Variants in CDH18 observed in about 807,000 individuals in gnomAD.
CDH18 encodes cadherin 18, also known as cadherin-18.
In CDH18, 31 loss-of-function variants were observed where a neutral mutation model predicts 67.9. The ratio of observed to expected loss-of-function variants is 0.46; its 90% CI spans 0.34 to 0.62. The LOEUF (loss-of-function observed/expected upper bound fraction) is 0.62, where lower values mean the gene tolerates loss of function less well. CDH18 is among the 20% of genes least tolerant of loss of function. The pLI, the probability that CDH18 is intolerant of heterozygous loss-of-function variation, is 0.01. For missense variants in CDH18, 890 were observed against 975.5 expected (o/e 0.91, Z 1.17); for synonymous variants, 362 against 347.2 (o/e 1.04, Z -0.48).
chr5:20,403,374 T>C (rs1306814614), intron 1 of CDH18, among the ~76,000 whole-genome samples: 1 of 152,176 alleles, frequency 6.6e-6, no homozygotes, highest in East Asian at 1.9e-4. Flanking sequence ...CAAATGATCC[T>C]GTCACCCAGA....
At chr5:20,322,939 T>C (rs1474978481) in intron 1 of CDH18, among the ~76,000 whole-genome samples, 2 of 152,092 alleles carry the variant, frequency 1.3e-5, no homozygotes, top group Non-Finnish European at 2.9e-5. Flanking sequence ...AAACCAGTAT[T>C]GTAATTAATA....
At chr5:19,696,420 C>A (rs1397458262) in intron 5 of CDH18, among the ~76,000 whole-genome samples, 1 of 151,774 alleles carries the variant, frequency 6.6e-6, no homozygotes, top group Admixed American at 6.6e-5. Context: ...CCTGTAGTCC[C>A]AGCTACTCAG....
At chr5:19,910,927 G>T (rs1433761283) in intron 2 of CDH18, among the ~76,000 whole-genome samples, 1 of 152,126 alleles carries the variant, frequency 6.6e-6, no homozygotes, top group Non-Finnish European at 1.5e-5. Context: ...GCCTGGGGAA[G>T]GCATTGACTC....
chr5:20,487,346 G>GCATAAACCTATATATATA (rs1429501159), intron 1 of CDH18, among the ~76,000 whole-genome samples: 1 of 148,414 alleles, frequency 6.7e-6, no homozygotes, highest in African/African-American at 2.5e-5. Context: ...ACCTATATAT[G>GCATAAACCTATATATATA]TATAAACCTA....
At chr5:19,596,014 A>G (rs1383416076) in intron 6 of CDH18, among the ~76,000 whole-genome samples, 1 of 152,222 alleles carries the variant, frequency 6.6e-6, no homozygotes, top group Non-Finnish European at 1.5e-5. Context: ...TGGGAAAAGC[A>G]TGAGACCCAA....
At chr5:19,706,518 G>C (rs1292210319) in intron 5 of CDH18, among the ~76,000 whole-genome samples, 1 of 152,144 alleles carries the variant, frequency 6.6e-6, no homozygotes, top group African/African-American at 2.4e-5. Flanking sequence ...TTGGCAAATG[G>C]ACATCACACA....
chr5:20,457,079 C>T (rs1292630063), intron 1 of CDH18, among the ~76,000 whole-genome samples: 3 of 152,120 alleles, frequency 2.0e-5, no homozygotes, highest in African/African-American at 2.4e-5. Context: ...ACTACTTTTA[C>T]GTGCAAGCAG....
intron 1 of CDH18, among the ~76,000 whole-genome samples, chr5:20,449,816 T>C (rs1489038126): frequency 7.8e-6 from 1 of 128,928 alleles, no homozygotes; most frequent in Non-Finnish European, 1.9e-5. Flanking sequence ...TTCATGTTTG[T>C]CTACAAAAAA....
intron 2 of CDH18, among the ~76,000 whole-genome samples, chr5:20,196,950 G>C (rs541644691): frequency 4.1e-4 from 63 of 152,282 alleles, no homozygotes; most frequent in African/African-American, 1.4e-3. Context: ...TGGGGAAAGA[G>C]TGTTTTAATA....
At chr5:20,448,220 G>C (rs1449048426) in intron 1 of CDH18, among the ~76,000 whole-genome samples, 1 of 151,826 alleles carries the variant, frequency 6.6e-6, no homozygotes, top group Non-Finnish European at 1.5e-5. Context: ...CCCTACAAAG[G>C]ACATGAATTC....
At chr5:20,228,046 T>G (rs1741774926) in intron 2 of CDH18, among the ~76,000 whole-genome samples, 1 of 152,182 alleles carries the variant, frequency 6.6e-6, no homozygotes, top group African/African-American at 2.4e-5. Flanking sequence ...TACATGTGTT[T>G]CTTTACTTTT....
At chr5:19,971,889 C>T (rs1354105743) in intron 2 of CDH18, among the ~76,000 whole-genome samples, 3 of 150,836 alleles carry the variant, frequency 2.0e-5, no homozygotes, top group East Asian at 3.9e-4. Context: ...AAATGTGAAT[C>T]GAGGTGATCT....
At position 20,241,905 on chromosome 5, in the gene CDH18, T is replaced by TATATATATATATATATATAA. The variant is rs369967608; in HGVS notation, c.-518+13538_-518+13539insTTATATATATATATATATAT. Among the ~76,000 whole-genome samples, 137 of 141,186 alleles carry TATATATATATATATATATAA rather than the reference T, an allele frequency of 9.7e-4. 1 individual carries two copies. Among genetic ancestry groups the TATATATATATATATATATAA allele is most frequent in the African/African-American group, 3.5e-3 (125 of 35,704 alleles). The allele number at this position is 141,186 out of a possible 152,430, so 92.6% of individuals were successfully genotyped here. Reference sequence around the variant, plus strand: ...ATATATATATATGTATATATATATATATATTGCTTAGTCAGAGGCACTGTG... The same window carrying TATATATATATATATATATAA: ...ATATATATATATGTATATATATATATATATATATATATATATATAAATATTGCTTAGTCAGAGGCACTGTG... On this transcript the variant is annotated intron_variant, in intron 2 of 14. Coordinates refer to the CDH18 transcript ENST00000507958.
intron 3 of CDH18, among the ~76,000 whole-genome samples, chr5:19,777,139 G>A (rs1774483783): frequency 1.3e-5 from 2 of 152,022 alleles, no homozygotes; most frequent in Admixed American, 6.6e-5. Context: ...AATTAGCCAG[G>A]CGTGATGGCA....
At chr5:19,590,306 AT>A (rs1302803473) in intron 7 of CDH18, among the ~76,000 whole-genome samples, 1 of 152,088 alleles carries the variant, frequency 6.6e-6, no homozygotes, top group Non-Finnish European at 1.5e-5. Flanking sequence ...AGTGGTGATT[AT>A]TGTTCTCTAA....
chr5:19,777,832 G>T (rs1774576429), intron 3 of CDH18, among the ~76,000 whole-genome samples: 1 of 152,082 alleles, frequency 6.6e-6, no homozygotes, highest in Admixed American at 6.6e-5. Flanking sequence ...TTACTAAAAT[G>T]AATAGAACTT....
At chr5:20,351,256 T>C (rs1181710088) in intron 1 of CDH18, among the ~76,000 whole-genome samples, 3,908 of 151,794 alleles carry the variant, frequency 0.026, 127 homozygotes, top group African/African-American at 0.07. Context: ...GGGTTGTTTT[T>C]TTTTTTTGTT....
At chr5:19,670,706 T>A (rs768026452) in intron 5 of CDH18, among the ~76,000 whole-genome samples, 4 of 152,188 alleles carry the variant, frequency 2.6e-5, no homozygotes, top group Non-Finnish European at 5.9e-5. Flanking sequence ...CCAGGTAAGA[T>A]GAATTCAGGA....
chr5:19,772,033 C>T (rs866214608), intron 3 of CDH18, among the ~76,000 whole-genome samples: 3 of 152,096 alleles, frequency 2.0e-5, no homozygotes, highest in African/African-American at 2.4e-5. Flanking sequence ...ATTTTCCATT[C>T]TATATGTTTT....
Sources: gnomAD v4.1 joint callset for allele counts (sites outside exome capture counted in the v4.1 genomes callset) on GRCh38, gnomAD v4.1.1 for gene constraint, MANE v1.5 for transcripts, NCBI Gene and HGNC (gene_info 2026-07-23, HGNC 2026-07-21) for gene names.